The following RORC variants were observed in gnomAD, a reference collection of about 807,000 sequenced individuals.
The protein encoded by RORC is RAR related orphan receptor C.
In RORC, 13 loss-of-function variants were observed where a neutral mutation model predicts 64.5. The ratio of observed to expected loss-of-function variants is 0.20; its 90% CI spans 0.13 to 0.32. RORC has a LOEUF of 0.32. Among genes scored for constraint, RORC ranks in the 10% least tolerant of loss-of-function variants. The pLI, the probability that RORC is intolerant of heterozygous loss-of-function variation, is 1.00. For missense variants in RORC, 468 were observed against 669.5 expected (o/e 0.70, Z 3.32); for synonymous variants, 277 against 259.3 (o/e 1.07, Z -0.65).
At chr1:151,821,204 T>C (rs1230580201) in intron 2 of RORC, among the ~76,000 whole-genome samples, 3 of 152,162 alleles carry the variant, frequency 2.0e-5, no homozygotes, top group African/African-American at 7.2e-5. Flanking sequence ...AAGCCAACCC[T>C]GGGCCCTGTC....
At chr1:151,828,978 CAAAAAA>C (rs371746426) in intron 2 of RORC, among the ~76,000 whole-genome samples, 6 of 130,762 alleles carry the variant, frequency 4.6e-5, no homozygotes, top group Non-Finnish European at 8.0e-5. Flanking sequence ...GACTCTGTCT[CAAAAAA>C]AAAAAAAAAA....
At chr1:151,829,354 C>G (rs904715757) in intron 2 of RORC, 75 bp downstream of exon 2, 33 of 1,408,090 alleles carry the variant, frequency 2.3e-5, no homozygotes, top group Non-Finnish European at 3.2e-5. Context: ...CTCAGTCCCC[C>G]CACAGATCAC....
chr1:151,830,659 C>CACACACACACACACACACACACACAA lies in RORC; in HGVS notation c.40+1065_40+1066insTTGTGTGTGTGTGTGTGTGTGTGTGT. 7.2e-6 allele frequency among the ~76,000 whole-genome samples: 1 copy of CACACACACACACACACACACACACAA among 139,160 alleles called. No individual in the cohort carries two copies. The highest frequency in any genetic ancestry group is 2.7e-5 in the African/African-American group (1 of 37,528). 91.3% of individuals were successfully genotyped at this position (139,160 alleles called of 152,430 possible). On this transcript the variant is annotated intron_variant, in intron 1 of 10. Coordinates refer to ENST00000318247, the MANE Select transcript of RORC (RefSeq NM_005060.4). The surrounding 1 kb of genome is among the most constrained non-coding windows in gnomAD (Gnocchi z 4.0). ...ACACACACACACACACACACACACA[C>CACACACACACACACACACACACACAA]ACAGTGCCCTTCTGCCCGGGAGATG...
chr1:151,819,238 A>C (rs1024711279), intron 2 of RORC, among the ~76,000 whole-genome samples: 14 of 152,228 alleles, frequency 9.2e-5, no homozygotes, highest in Admixed American at 2.0e-4. Context: ...ACTTCTAGTC[A>C]CTTAGATTCT....
chr1:151,815,145 T>C lies in RORC; in HGVS notation c.579A>G (p.Ala193=), dbSNP rs756234310. Residue 193 remains alanine (A), a synonymous_variant, in exon 5 of 11, where the codon GCA becomes GCG. Coordinates refer to ENST00000318247, the MANE Select transcript of RORC (RefSeq NM_005060.4). ...GGTGGCATGAGGCCCCATTGAGCCCTGCCTTGGCCAAGTTGTTGGAATATG... is the reference window on the plus strand; with the variant it reads ...GGTGGCATGAGGCCCCATTGAGCCCCGCCTTGGCCAAGTTGTTGGAATATG... ...GPSYSNNLAK[A]GLNGASCHLE... 1 of 1,614,078 alleles carries C rather than the reference T, an allele frequency of 6.2e-7. No individual in the cohort carries two copies. Among genetic ancestry groups the C allele is most frequent in the South Asian group, 1.1e-5 (1 of 91,068 alleles).
chr1:151,813,959 T>G, intron 6 of RORC: 1 of 245,446 alleles, frequency 4.1e-6, no homozygotes, highest in Non-Finnish European at 7.9e-6. Context: ...AAGGTCTCAA[T>G]AACCTGGAGA....
rs1553290937 is a variant in RORC at position 151,816,650 on chromosome 1, C to T, written c.298+14G>A. 3.1e-6 allele frequency: 5 copies of T among 1,597,120 alleles called. No individual in the cohort carries two copies. The highest frequency in any genetic ancestry group is 1.3e-5 in the African/African-American group (1 of 74,824). ...CACCAGGAAAACCCCAGGGGGCTGT[C>T]GACTTGGCCTCACCATCTCGGGACA... On this transcript the variant is annotated intron_variant, in intron 4 of 10. Transcript: ENST00000318247.
chr1:151,816,530 T>A, intron 4 of RORC, 134 bp downstream of exon 4: 1 of 922,630 alleles, frequency 1.1e-6, no homozygotes, highest in Non-Finnish European at 1.5e-6. Flanking sequence ...AGACAAGGGG[T>A]TGTAACGGGG....
At chr1:151,831,364 TG>T (rs1378329214) in intron 1 of RORC, among the ~76,000 whole-genome samples, 6 of 152,106 alleles carry the variant, frequency 3.9e-5, no homozygotes, top group Non-Finnish European at 8.8e-5. Context: ...CTGTGCCTCC[TG>T]GGGGGTAAGC....
intron 2 of RORC, among the ~76,000 whole-genome samples, chr1:151,819,553 A>G (rs1344729569): frequency 1.3e-5 from 2 of 152,192 alleles, no homozygotes; most frequent in Non-Finnish European, 2.9e-5. Flanking sequence ...CACCCAAAAA[A>G]GTAAGCGGGA....
Position 151,830,833 on chromosome 1 carries a change from C to G in RORC, c.40+892G>C, listed in dbSNP as rs1433400238. The G allele has an allele frequency of 3.4e-6, 2 of 585,158 alleles. No homozygotes were observed. Among genetic ancestry groups the G allele is most frequent in the African/African-American group, 1.9e-5 (1 of 51,652 alleles). 36.2% of individuals were successfully genotyped at this position (585,158 alleles called of 1,614,324 possible). On this transcript the variant is annotated intron_variant, in intron 1 of 10. Coordinates refer to ENST00000318247, the MANE Select transcript of RORC (RefSeq NM_005060.4). This position sits in a 1 kb window ranked among gnomAD's most constrained non-coding sequence, Gnocchi z 4.0. Reference sequence around the variant, plus strand: ...CCCACCTCCCCTTGCTCCTGCCTGGCCCCACCCAGCTTCCTCCCTGACGTG... The same window carrying G: ...CCCACCTCCCCTTGCTCCTGCCTGGGCCCACCCAGCTTCCTCCCTGACGTG...
chr1:151,826,169 A>G, intron 2 of RORC: 2 of 1,134,808 alleles, frequency 1.8e-6, no homozygotes, highest in Non-Finnish European at 2.2e-6. Context: ...GGGTGCAGTG[A>G]GTAGGATGAC....
chr1:151,831,531 TCTC>T lies in RORC; in HGVS notation c.40+191_40+193del, dbSNP rs1337762342. 6 of 479,948 alleles carry T rather than the reference TCTC, an allele frequency of 1.3e-5. No individual in the cohort carries two copies. The East Asian group carries it at 6.1e-4, about 48-fold the overall frequency. The allele number at this position is 479,948 out of a possible 1,614,324, so 29.7% of individuals were successfully genotyped here. ...CTGTTTCTCTCCTTTTGCGATTTCT[TCTC>T]CTCTGTCATCTCCCCAGCCCCTCCT... On this transcript the variant is annotated intron_variant, in intron 1 of 10. Transcript: ENST00000318247.
In RORC at chr1:151,814,703, C is replaced by G. The variant is rs755681607; in HGVS notation, c.812-8G>C. 1 of 1,601,948 alleles carries G rather than the reference C, an allele frequency of 6.2e-7. No individual in the cohort carries two copies. Among genetic ancestry groups the G allele is most frequent in the East Asian group, 2.2e-5 (1 of 44,554 alleles). On this transcript the variant is annotated splice_region_variant and splice_polypyrimidine_tract_variant and intron_variant, in intron 5 of 10. Transcript: ENST00000318247. Reference sequence around the variant, plus strand: ...CGCTCTGCACCAGGTGCTCTGGGGCCGGAGAAGGAAGGCATGGCTTGATCT... The same window carrying G: ...CGCTCTGCACCAGGTGCTCTGGGGCGGGAGAAGGAAGGCATGGCTTGATCT...
chr1:151,817,687 C>G (rs1651822606), intron 2 of RORC, among the ~76,000 whole-genome samples: 2 of 152,264 alleles, frequency 1.3e-5, no homozygotes, highest in South Asian at 4.1e-4. Flanking sequence ...GCCTCCCTCC[C>G]TCGCTGGGGC....
chr1:151,824,958 C>T (rs1652133881), intron 2 of RORC, among the ~76,000 whole-genome samples: 1 of 152,182 alleles, frequency 6.6e-6, no homozygotes, highest in African/African-American at 2.4e-5. Context: ...CAGGTTGAAG[C>T]TGGGGCTGCT....
chr1:151,830,643 C>CAT lies in RORC; in HGVS notation c.40+1081_40+1082insAT, dbSNP rs1652371222. On this transcript the variant is annotated intron_variant, in intron 1 of 10. Transcript: ENST00000318247. This position sits in a 1 kb window ranked among gnomAD's most constrained non-coding sequence, Gnocchi z 4.0. Reference sequence around the variant, plus strand: ...ACATACACACACACACACACACACACACACACACACACACACACAGTGCCC... The same window carrying CAT: ...ACATACACACACACACACACACACACATACACACACACACACACACAGTGCCC... Among the ~76,000 whole-genome samples the CAT allele has an allele frequency of 6.8e-6, 1 of 147,390 alleles. No individual in the cohort carries two copies. Among genetic ancestry groups the CAT allele is most frequent in the Non-Finnish European group, 1.5e-5 (1 of 66,502 alleles).
At chr1:151,809,605 T>TGG (rs1188788046) in intron 10 of RORC, among the ~76,000 whole-genome samples, 2 of 152,052 alleles carry the variant, frequency 1.3e-5, no homozygotes, top group African/African-American at 4.8e-5. Flanking sequence ...GCCAGGGTGG[T>TGG]GGTAATAGTA....
intron 1 of RORC, 135 bp from the exon 2 acceptor site, chr1:151,829,593 C>T (rs1558171948): frequency 2.8e-6 from 2 of 713,556 alleles, no homozygotes; most frequent in East Asian, 6.2e-5. Flanking sequence ...GCAGGCCACC[C>T]CCTGCAGTGC....
Sources: allele counts gnomAD v4.1 joint callset (sites outside exome capture counted in the v4.1 genomes callset), GRCh38; gene constraint gnomAD v4.1.1; non-coding constraint Gnocchi (gnomAD v3.1); transcripts MANE v1.5; gene names NCBI Gene and HGNC (gene_info 2026-07-23, HGNC 2026-07-21).